The following CCDC175 variants were observed in gnomAD, a reference collection of about 807,000 sequenced individuals.
CCDC175 encodes coiled-coil domain containing 175.
Under a neutral mutation model 114.6 loss-of-function variants are expected in CCDC175, and 100 were observed. The ratio of observed to expected loss-of-function variants is 0.87; its 90% CI spans 0.74 to 1.03. The LOEUF (loss-of-function observed/expected upper bound fraction) is 1.03, where lower values mean the gene tolerates loss of function less well. CCDC175 is among the 50% of genes least tolerant of loss of function. The pLI is 0.00. For synonymous variants in CCDC175, 306 were observed against 308.7 expected (o/e 0.99, Z 0.09); for missense variants, 880 against 917.8 (o/e 0.96, Z 0.53).
chr14:59,555,719 T>C (rs7492659), intron 7 of CCDC175, among the ~76,000 whole-genome samples: 9,728 of 152,204 alleles, frequency 0.064, 403 homozygotes, highest in African/African-American at 0.11. Flanking sequence ...GAAAACCCCA[T>C]TGTCTCAGCC....
chr14:59,558,781 G>T (rs1896064703), intron 7 of CCDC175, among the ~76,000 whole-genome samples: 2 of 152,128 alleles, frequency 1.3e-5, no homozygotes, highest in African/African-American at 4.8e-5. Flanking sequence ...TCAAGTCATT[G>T]AGGTAAAGAA....
At chr14:59,554,227 T>C (rs1895718838) in intron 7 of CCDC175, among the ~76,000 whole-genome samples, 1 of 152,172 alleles carries the variant, frequency 6.6e-6, no homozygotes, top group Non-Finnish European at 1.5e-5. Context: ...AAAGCAATCT[T>C]CAGCAAATGT....
chr14:59,508,644 T>G (rs1471646061), intron 19 of CCDC175, among the ~76,000 whole-genome samples: 2 of 150,592 alleles, frequency 1.3e-5, no homozygotes, highest in Non-Finnish European at 3.0e-5. Flanking sequence ...TCCTCCAAAA[T>G]TCCTATGTTG....
In CCDC175 at chr14:59,540,763, A is replaced by G. The variant is rs1894737065; in HGVS notation, c.1284-17T>C. On this transcript the variant is annotated splice_polypyrimidine_tract_variant and intron_variant, in intron 10 of 19. Transcript: ENST00000537690. ...TTTGTTGCTCTAAAAAGAAAAACAT[A>G]TTGGATTTTGCATTTATGGGAGCTG... is the stretch of plus-strand genomic sequence containing the variant. 5 of 1,520,508 alleles carry G rather than the reference A, an allele frequency of 3.3e-6. No homozygotes were observed. In the East Asian group the frequency reaches 9.8e-5, roughly 30 times the overall value. The allele number at this position is 1,520,508 out of a possible 1,614,324, so 94.2% of individuals were successfully genotyped here.
At chr14:59,529,472 T>TGA in intron 14 of CCDC175, among the ~76,000 whole-genome samples, 1 of 152,324 alleles carries the variant, frequency 6.6e-6, no homozygotes, top group South Asian at 2.1e-4. Context: ...TTTAGCCCTG[T>TGA]GACTCATCTC....
intron 7 of CCDC175, among the ~76,000 whole-genome samples, chr14:59,554,628 A>T (rs1895751684): frequency 6.6e-6 from 1 of 152,234 alleles, no homozygotes; most frequent in African/African-American, 2.4e-5. Flanking sequence ...AGCAGAACTG[A>T]AGGAAATAGA....
chr14:59,513,179 A>C (rs938648619), intron 17 of CCDC175, among the ~76,000 whole-genome samples: 1 of 152,170 alleles, frequency 6.6e-6, no homozygotes, highest in African/African-American at 2.4e-5. Context: ...AGTTCACTTG[A>C]GGGGGGTGGA....
chr14:59,511,932 G>A, intron 17 of CCDC175, 129 bp from the exon 18 acceptor site: 1 of 664,240 alleles, frequency 1.5e-6, no homozygotes, highest in Non-Finnish European at 2.6e-6. Context: ...CAAAATGACA[G>A]AATAACTGAA....
intron 9 of CCDC175, among the ~76,000 whole-genome samples, chr14:59,544,534 T>A (rs1894987688): frequency 6.6e-6 from 1 of 152,020 alleles, no homozygotes; most frequent in Admixed American, 6.6e-5. Flanking sequence ...GCCTCCCCCA[T>A]CTCCAGAATT....
intron 13 of CCDC175, among the ~76,000 whole-genome samples, chr14:59,537,812 G>T (rs1894496588): frequency 6.6e-6 from 1 of 152,114 alleles, no homozygotes; most frequent in African/African-American, 2.4e-5. Context: ...AATTTGAAGT[G>T]TGATTATTAT....
At chr14:59,520,444 T>G (rs1484313738) in intron 17 of CCDC175, among the ~76,000 whole-genome samples, 2 of 152,198 alleles carry the variant, frequency 1.3e-5, no homozygotes, top group African/African-American at 4.8e-5. Context: ...CATATATATT[T>G]CCTATAAAGT....
chr14:59,515,899 T>A lies in CCDC175; in HGVS notation c.2099-4096A>T, dbSNP rs547304636. On this transcript the variant is annotated intron_variant, in intron 17 of 19. Coordinates refer to ENST00000537690, the MANE Select transcript of CCDC175 (RefSeq NM_001164399.2). ...GCACCACACCGCACTTATTCCAAAA[T>A]TGACCACATAGTTGGAACTAAAGCA... 9.7e-4 allele frequency among the ~76,000 whole-genome samples: 148 copies of A among 152,298 alleles called. 1 individual carries two copies. Among genetic ancestry groups the A allele is most frequent in the Non-Finnish European group, 1.6e-3 (107 of 68,028 alleles).
At position 59,568,372 on chromosome 14, in the gene CCDC175, G is replaced by T; in HGVS notation, c.364C>A (p.Arg122=). The change falls in exon 4 of 20, where the codon CGA becomes AGA. Residue 122 remains arginine, a synonymous_variant. Coordinates refer to ENST00000537690, the MANE Select transcript of CCDC175 (RefSeq NM_001164399.2). ...SIKRELEECV[R]DARRLNLFEI... is the part of the protein sequence containing the mutation. Reference sequence around the variant, plus strand: ...AAAAGATTTAATCTGCGAGCGTCTCGGACACATTCTTCAAAGTAAGTGGAA... The same window carrying T: ...AAAAGATTTAATCTGCGAGCGTCTCTGACACATTCTTCAAAGTAAGTGGAA... The T allele has an allele frequency of 6.6e-7, 1 of 1,510,840 alleles. No individual in the cohort carries two copies. The highest frequency in any genetic ancestry group is 8.8e-7 in the Non-Finnish European group (1 of 1,138,150). 93.6% of individuals were successfully genotyped at this position (1,510,840 alleles called of 1,614,324 possible).
At chr14:59,565,725 T>C (rs1461334175) in intron 4 of CCDC175, among the ~76,000 whole-genome samples, 7 of 150,874 alleles carry the variant, frequency 4.6e-5, no homozygotes, top group African/African-American at 1.7e-4. Flanking sequence ...AAAAAAAAAT[T>C]GAGATGAGGA....
At chr14:59,552,400 T>G (rs1057029476) in intron 7 of CCDC175, among the ~76,000 whole-genome samples, 1 of 152,214 alleles carries the variant, frequency 6.6e-6, no homozygotes, top group Non-Finnish European at 1.5e-5. Flanking sequence ...GACCTGCAGC[T>G]GAGGGTCCTG....
rs76004048 is a variant in CCDC175 at position 59,534,797 on chromosome 14, T to C, written c.1624-2887A>G. ...CCTATGGAAAAGTCAGCCACAGCAC[T>C]GCCCTGTCGACAACACATCCCAACA... On this transcript the variant is annotated intron_variant, in intron 13 of 19. Transcript: ENST00000537690. Among the ~76,000 whole-genome samples the C allele has an allele frequency of 1.3e-3, 199 of 152,316 alleles. 2 individuals are homozygous for C. In the East Asian group the frequency reaches 0.026, roughly 20 times the overall value.
intron 4 of CCDC175, 72 bp from the exon 5 acceptor site, chr14:59,565,347 G>A: frequency 8.5e-7 from 1 of 1,177,728 alleles, no homozygotes; most frequent in Non-Finnish European, 1.2e-6. Context: ...GTGGTGAGAA[G>A]AGCCCTCAGC....
chr14:59,548,626 G>T (rs954679953), intron 8 of CCDC175, among the ~76,000 whole-genome samples: 4 of 152,188 alleles, frequency 2.6e-5, no homozygotes, highest in Admixed American at 2.6e-4. Context: ...AGCTTCTGCA[G>T]TAGGAAACAA....
At chr14:59,515,559 A>G (rs1893029071) in intron 17 of CCDC175, among the ~76,000 whole-genome samples, 1 of 152,218 alleles carries the variant, frequency 6.6e-6, no homozygotes, top group African/African-American at 2.4e-5. Context: ...AAAGATCAAA[A>G]GAGACAAAGA....
Sources: gnomAD v4.1 joint callset for allele counts (sites outside exome capture counted in the v4.1 genomes callset) on GRCh38, gnomAD v4.1.1 for gene constraint, MANE v1.5 for transcripts, NCBI Gene and HGNC (gene_info 2026-07-23, HGNC 2026-07-21) for gene names.